The following EXOSC10 variants were observed in gnomAD, a reference collection of about 807,000 sequenced individuals.
EXOSC10 encodes the protein exosome complex component 10.
A neutral mutation model predicts 126.6 loss-of-function variants in EXOSC10; 94 were observed. The observed-to-expected ratio is 0.74, with a 90% CI of 0.63 to 0.88. The LOEUF (loss-of-function observed/expected upper bound fraction) is 0.88. Ranked by LOEUF, EXOSC10 falls within the 40% of genes least tolerant of loss-of-function variation. The pLI is 0.00. For missense variants in EXOSC10, 1,041 were observed against 1,100.5 expected (o/e 0.95, Z 0.77); for synonymous variants, 395 against 400.8 (o/e 0.99, Z 0.17).
Position 11,080,881 on chromosome 1 carries a change from G to C in EXOSC10, c.1469C>G (p.Ser490Cys). The C allele has an allele frequency of 6.2e-7, 1 of 1,611,448 alleles. No individual in the cohort carries two copies. The highest frequency in any genetic ancestry group is 8.5e-7 in the Non-Finnish European group (1 of 1,179,248). ...CTGCTTCCTATAGAGTTCAAGGTAG[G>C]ACTCATCCGTGAAGATAGGTTTGAT... Reference protein sequence around the residue: ...KFIKPIFTDESYLELYRKQKK... With the variant: ...KFIKPIFTDECYLELYRKQKK... Residue 490 changes from serine (S) to cysteine (C), a missense_variant, in exon 12 of 25, where the codon TCC (serine) becomes TGC (cysteine). Ser to Cys is a moderately radical substitution (Grantham distance 112). This residue lies in a region of EXOSC10 where 645 missense variants were observed against 656.3 expected (regional missense o/e 0.98). Transcript: ENST00000376936.
In EXOSC10 at chr1:11,073,940, G is replaced by C. The variant is rs1639666519; in HGVS notation, c.2151C>G (p.Ile717Met). The change falls in exon 19 of 25, where the codon ATC becomes ATG. Residue 717 changes from isoleucine to methionine, a missense_variant. Transcript: ENST00000376936. ...QAAKFDPSTK[I>M]YEISNRWKLA... ...AGGTGACAAGTCCACTTACTTCATAGATTTTGGTTGATGGATCGAACTTCG... is the reference window on the plus strand; with the variant it reads ...AGGTGACAAGTCCACTTACTTCATACATTTTGGTTGATGGATCGAACTTCG... The C allele has an allele frequency of 1.3e-6, 2 of 1,521,700 alleles. No homozygotes were observed. The highest frequency in any genetic ancestry group is 1.8e-6 in the Non-Finnish European group (2 of 1,101,742). 94.3% of individuals were successfully genotyped at this position (1,521,700 alleles called of 1,614,324 possible).
At chr1:11,086,211 T>C (rs1380184296) in intron 9 of EXOSC10, among the ~76,000 whole-genome samples, 1 of 151,934 alleles carries the variant, frequency 6.6e-6, no homozygotes, top group African/African-American at 2.4e-5. Context: ...AGTTCCTCCT[T>C]GTACCTCTGG....
At chr1:11,070,483 C>T (rs1350229530) in intron 21 of EXOSC10, among the ~76,000 whole-genome samples, 1 of 143,558 alleles carries the variant, frequency 7.0e-6, no homozygotes, top group Non-Finnish European at 1.5e-5. Context: ...AACTGTGCCA[C>T]TGCACTCCAG....
In EXOSC10 at chr1:11,077,394, G is replaced by A. The variant is rs199634937; in HGVS notation, c.1850C>T (p.Pro617Leu). ...FGPHDCSHAPPDGYPIIPTSG... is the reference protein window; with the variant it reads ...FGPHDCSHAPLDGYPIIPTSG... ...GGTTGGGATGATTGGATAGCCATCC[G>A]GAGGGGCATGGGAGCAGTCGTGAGG... Residue 617 changes from proline to leucine, a missense_variant, in exon 16 of 25, where the codon CCG becomes CTG. Around this residue, in one of 3 missense-constraint regions of EXOSC10, gnomAD observed 388 missense variants for 415.2 expected, o/e 0.93. Transcript: ENST00000376936. The A allele has an allele frequency of 2.2e-5, 36 of 1,613,292 alleles. 1 individual carries two copies. The highest frequency in any genetic ancestry group is 1.9e-4 in the African/African-American group (14 of 75,032).
At chr1:11,071,071 G>A in intron 20 of EXOSC10, 98 bp from the exon 21 acceptor site, 1 of 1,054,816 alleles carries the variant, frequency 9.5e-7, no homozygotes. Context: ...CACAGGGGTT[G>A]TCACGGCTGA....
chr1:11,090,678 C>A lies in EXOSC10; in HGVS notation c.644-10G>T. On this transcript the variant is annotated splice_polypyrimidine_tract_variant and intron_variant, in intron 5 of 24. Transcript: ENST00000376936. ...CTTTCCTTAGAGAGAGCTGGGGATC[C>A]CAGCAGTGACAAAAACATCATTAGC... is the stretch of plus-strand genomic sequence containing the variant. The A allele has an allele frequency of 6.4e-7, 1 of 1,574,798 alleles. No individual in the cohort carries two copies. The highest frequency in any genetic ancestry group is 8.7e-7 in the Non-Finnish European group (1 of 1,154,166).
At chr1:11,078,408 C>T (rs886826496) in intron 14 of EXOSC10, among the ~76,000 whole-genome samples, 1 of 151,764 alleles carries the variant, frequency 6.6e-6, no homozygotes, top group African/African-American at 2.4e-5. Context: ...CAGGCGCCCG[C>T]CACTACGCCT....
chr1:11,073,986 C>T lies in EXOSC10; in HGVS notation c.2105G>A (p.Arg702His), dbSNP rs117771172. ...FRMFLPSLGH[R>H]APVSQAAKFD... ...CTTCGCTGCCTGAGAGACGGGAGCA[C>T]GGTGTCCCAGTGAGGGCAGAAACTG... is the stretch of plus-strand genomic sequence containing the variant. Residue 702 changes from arginine to histidine, a missense_variant, in exon 19 of 25, where the codon CGT becomes CAT. Arg to His is a conservative substitution (Grantham distance 29). Transcript: ENST00000376936. The T allele has an allele frequency of 7.5e-3, 12,117 of 1,613,344 alleles. 417 individuals are homozygous for T. The highest frequency in any genetic ancestry group is 0.063 in the Admixed American group (3,792 of 59,872).
rs747583689 is a variant in EXOSC10 at position 11,091,501 on chromosome 1, T to G, written c.469A>C (p.Asn157His). 1 of 1,613,962 alleles carries G rather than the reference T, an allele frequency of 6.2e-7. No individual in the cohort carries two copies. The highest frequency in any genetic ancestry group is 2.2e-5 in the East Asian group (1 of 44,876). ...QVPKTVVSSW[N>H]RKAAEYGKKA... The stretch of plus-strand genomic sequence containing the variant: ...ATCTGAAAAGCCCTCACCTTACGGT[T>G]CCAGCTGGACACTACCGTTTTGGGG... Residue 157 changes from asparagine to histidine, a missense_variant, in exon 4 of 25, where the codon AAC (asparagine) becomes CAC (histidine). Transcript: ENST00000376936.
At chr1:11,095,987 T>TA in intron 2 of EXOSC10, 106 bp from the exon 3 acceptor site, 14 of 1,071,978 alleles carry the variant, frequency 1.3e-5, no homozygotes, top group Non-Finnish European at 1.7e-5. Context: ...TCCCAACACA[T>TA]CTTTTTTTTT....
At chr1:11,073,620 T>C (rs1278570321) in intron 19 of EXOSC10, among the ~76,000 whole-genome samples, 2 of 151,974 alleles carry the variant, frequency 1.3e-5, no homozygotes, top group Non-Finnish European at 2.9e-5. Flanking sequence ...CCAGGCGCAG[T>C]AGCTCACGTC....
At chr1:11,079,913 G>A in intron 13 of EXOSC10, 91 bp from the exon 14 acceptor site, 3 of 1,048,178 alleles carry the variant, frequency 2.9e-6, no homozygotes, top group Non-Finnish European at 2.9e-6. Flanking sequence ...GTAAAGCCAG[G>A]CTGCCACCTA....
chr1:11,076,883 T>C lies in EXOSC10; in HGVS notation c.1945A>G (p.Thr649Ala). Reference sequence around the variant, plus strand: ...ACAGCTGTGGCAATCAGGCATGTGGTACCCAGCAAGTTATCTTCTTTTTCA... The same window carrying C: ...ACAGCTGTGGCAATCAGGCATGTGGCACCCAGCAAGTTATCTTCTTTTTCA... ...PDEKEDNLLG[T>A]TCLIATAVIT... is the part of the protein sequence containing the mutation. The change falls in exon 17 of 25, where the codon ACC (threonine) becomes GCC (alanine). Residue 649 changes from threonine to alanine, a missense_variant. Transcript: ENST00000376936. 6.2e-7 allele frequency: 1 copy of C among 1,613,922 alleles called. No individual in the cohort carries two copies. The highest frequency in any genetic ancestry group is 1.3e-5 in the African/African-American group (1 of 75,074).
chr1:11,095,910 G>T, intron 2 of EXOSC10, 29 bp from the exon 3 acceptor site: 7 of 1,602,170 alleles, frequency 4.4e-6, no homozygotes, highest in South Asian at 1.1e-5. Flanking sequence ...AGGTTAGCTT[G>T]TAGATTTTTA....
At chr1:11,078,569 A>C (rs1404720340) in intron 14 of EXOSC10, among the ~76,000 whole-genome samples, 1 of 152,072 alleles carries the variant, frequency 6.6e-6, no homozygotes, top group African/African-American at 2.4e-5. Context: ...CCCTGTTTCA[A>C]AACAACAACA....
At chr1:11,082,437 G>T in intron 10 of EXOSC10, 1 of 821,336 alleles carries the variant, frequency 1.2e-6, no homozygotes, top group Non-Finnish European at 1.7e-6. Context: ...GGCAAATACT[G>T]GTGCGGCACC....
In EXOSC10 at chr1:11,074,399, A is replaced by C; in HGVS notation, c.1987-73T>G. 3 of 1,058,142 alleles carry C rather than the reference A, an allele frequency of 2.8e-6. No homozygotes were observed. In the South Asian group the frequency reaches 4.1e-5, roughly 14 times the overall value. The allele number at this position is 1,058,142 out of a possible 1,614,324, so 65.5% of individuals were successfully genotyped here. On this transcript the variant is annotated intron_variant, in intron 17 of 24. Transcript: ENST00000376936. ...GACATCAAGATGCAAGCAAGAGAGC[A>C]ACAGTTAACAGTGATTTTTTTTTTT...
At chr1:11,068,317 G>A (rs911744240) in intron 23 of EXOSC10, among the ~76,000 whole-genome samples, 1 of 152,210 alleles carries the variant, frequency 6.6e-6, no homozygotes, top group African/African-American at 2.4e-5. Context: ...CTACAGCCAC[G>A]CTGTTTCCCT....
chr1:11,091,220 T>C (rs1192703496), intron 4 of EXOSC10, 41 bp from the exon 5 acceptor site: 2 of 1,557,364 alleles, frequency 1.3e-6, no homozygotes, highest in East Asian at 2.3e-5. Context: ...CACAGCAACT[T>C]GATGAATTAG....
Sources: allele counts gnomAD v4.1 joint callset (sites outside exome capture counted in the v4.1 genomes callset), GRCh38; gene constraint gnomAD v4.1.1; regional missense constraint gnomAD v4.1.1; transcripts MANE v1.5; gene names NCBI Gene and HGNC (gene_info 2026-07-23, HGNC 2026-07-21).